Variants in FAM76B observed in about 807,000 individuals in gnomAD.
FAM76B encodes the protein family with sequence similarity 76 member B, also known as protein FAM76B.
In FAM76B, 16 loss-of-function variants were observed where a neutral mutation model predicts 51.8. That is an observed-to-expected ratio of 0.31 (90% confidence interval 0.21 to 0.47). The LOEUF (loss-of-function observed/expected upper bound fraction) is 0.47. Ranked by LOEUF, FAM76B falls within the 20% of genes least tolerant of loss-of-function variation. The pLI is 1.00. For synonymous variants in FAM76B, 166 were observed against 129.5 expected, an observed-to-expected ratio of 1.28 and a Z score of -1.91; for missense variants, 342 against 392.6, an observed-to-expected ratio of 0.87 and a Z score of 1.09.
At chr11:95,786,335 A>G in intron 3 of FAM76B, 61 bp from the exon 4 acceptor site, 1 of 1,558,512 alleles carries the variant, frequency 6.4e-7, no homozygotes, top group East Asian at 2.3e-5. Context: ...CATAGCATAT[A>G]CCCAGTGTTG....
chr11:95,774,875 A>T (rs1022483897), intron 9 of FAM76B, among the ~76,000 whole-genome samples: 1 of 151,406 alleles, frequency 6.6e-6, no homozygotes, highest in East Asian at 1.9e-4. Context: ...AGGGATTAAG[A>T]CCAGATAATC....
chr11:95,775,630 T>C (rs1591011187), intron 9 of FAM76B, among the ~76,000 whole-genome samples: 1 of 150,162 alleles, frequency 6.7e-6, no homozygotes, highest in African/African-American at 2.5e-5. Flanking sequence ...AATTTTTTGC[T>C]ATAAGCCCAA....
intron 2 of FAM76B, among the ~76,000 whole-genome samples, chr11:95,788,003 G>T (rs1217742292): frequency 6.6e-6 from 1 of 152,108 alleles, no homozygotes; most frequent in Non-Finnish European, 1.5e-5. Flanking sequence ...CTTGGCTACT[G>T]TCCAACATTA....
intron 8 of FAM76B, among the ~76,000 whole-genome samples, 180 bp downstream of exon 8, chr11:95,778,642 C>A (rs1406453372): frequency 6.6e-6 from 1 of 151,380 alleles, no homozygotes; most frequent in African/African-American, 2.4e-5. Context: ...AACTAAAAAT[C>A]TGAAAGACCA....
intron 9 of FAM76B, among the ~76,000 whole-genome samples, chr11:95,774,033 G>A (rs1052469613): frequency 2.0e-5 from 3 of 151,300 alleles, no homozygotes; most frequent in Non-Finnish European, 4.4e-5. Flanking sequence ...GGTTGCTAAA[G>A]GAAGTGAGGT....
At chr11:95,773,876 T>C (rs918320535) in intron 9 of FAM76B, among the ~76,000 whole-genome samples, 3 of 151,404 alleles carry the variant, frequency 2.0e-5, no homozygotes, top group African/African-American at 7.2e-5. Context: ...TTCAGTGTTT[T>C]GTCGTAGGTT....
At chr11:95,785,037 T>A (rs948959425) in intron 4 of FAM76B, among the ~76,000 whole-genome samples, 8 of 152,242 alleles carry the variant, frequency 5.3e-5, no homozygotes, top group Admixed American at 2.0e-4. Flanking sequence ...AGTACTCCCC[T>A]ATCTACAGTT....
At chr11:95,784,595 T>C (rs1327413847) in intron 4 of FAM76B, among the ~76,000 whole-genome samples, 2 of 144,810 alleles carry the variant, frequency 1.4e-5, no homozygotes, top group Admixed American at 6.9e-5. Context: ...CACACACAAT[T>C]TTTTTTTTTT....
At chr11:95,785,163 T>C (rs887660906) in intron 4 of FAM76B, among the ~76,000 whole-genome samples, 1 of 152,186 alleles carries the variant, frequency 6.6e-6, no homozygotes, top group Admixed American at 6.5e-5. Flanking sequence ...ATTGTTCTAT[T>C]TTGTTATTAT....
In FAM76B at chr11:95,780,761, T is replaced by G. The variant is rs193099576; in HGVS notation, c.564-835A>C. Among the ~76,000 whole-genome samples, 437 of 152,042 alleles carry G rather than the reference T, an allele frequency of 2.9e-3. 4 individuals are homozygous for G. The highest frequency in any genetic ancestry group is 0.01 in the African/African-American group (419 of 41,516). ...GTGACCTTATGCAAATTACTTAACA[T>G]CCCCAGCCTTAGTTCCCTCATATGT... On this transcript the variant is annotated intron_variant, in intron 5 of 9. Coordinates refer to ENST00000358780, the MANE Select transcript of FAM76B (RefSeq NM_144664.5).
chr11:95,776,078 C>CACACACACACA, intron 8 of FAM76B, 55 bp from the exon 9 acceptor site: 1 of 916,880 alleles, frequency 1.1e-6, no homozygotes. Flanking sequence ...CACACACACA[C>CACACACACACA]CATTTTAAAT....
chr11:95,788,557 G>A lies in FAM76B; in HGVS notation c.94C>T (p.Arg32Trp), dbSNP rs2120319184. The part of the protein sequence containing the change: ...SQGQQLCKEC[R>W]IAHPIVKCTY... ...CATTTTACAATAGGATGTGCAATCCGACATTCCTGTAATAAGACAATACAT... is the reference window on the plus strand; with the variant it reads ...CATTTTACAATAGGATGTGCAATCCAACATTCCTGTAATAAGACAATACAT... Residue 32 changes from arginine (R) to tryptophan (W), a missense_variant, in exon 2 of 10, where the codon CGG (arginine) becomes TGG (tryptophan). This residue lies in a region of FAM76B where 96 missense variants were observed against 94.7 expected (regional missense o/e 1.01). Transcript: ENST00000358780. 3.1e-6 allele frequency: 5 copies of A among 1,611,818 alleles called. No homozygotes were observed. The highest frequency in any genetic ancestry group is 4.2e-6 in the Non-Finnish European group (5 of 1,178,988).
chr11:95,777,781 C>G (rs1181487656), intron 8 of FAM76B, among the ~76,000 whole-genome samples: 1 of 151,368 alleles, frequency 6.6e-6, no homozygotes, highest in Non-Finnish European at 1.5e-5. Context: ...TAAAAGCCAA[C>G]TCAGCACAGA....
At chr11:95,778,079 G>A (rs1860090753) in intron 8 of FAM76B, among the ~76,000 whole-genome samples, 1 of 151,396 alleles carries the variant, frequency 6.6e-6, no homozygotes, top group African/African-American at 2.4e-5. Context: ...GTCCAAAGAA[G>A]CACACATTCT....
Position 95,782,228 on chromosome 11 carries a change from T to C in FAM76B, c.563+837A>G, listed in dbSNP as rs553161757. On this transcript the variant is annotated intron_variant, in intron 5 of 9. Coordinates refer to ENST00000358780, the MANE Select transcript of FAM76B (RefSeq NM_144664.5). ...TAAGGTACTACTACTACTACATAAC[T>C]CCCCCCACAGGTCACTTTAAAAATC... 2.9e-3 allele frequency among the ~76,000 whole-genome samples: 435 copies of C among 152,012 alleles called. 4 individuals are homozygous for C. The highest frequency in any genetic ancestry group is 0.01 in the African/African-American group (417 of 41,440).
chr11:95,773,300 A>G (rs960140196), intron 9 of FAM76B, among the ~76,000 whole-genome samples: 5 of 151,102 alleles, frequency 3.3e-5, no homozygotes, highest in South Asian at 2.1e-4. Flanking sequence ...AATAAATTAC[A>G]TAAGACAAAA....
intron 1 of FAM76B, chr11:95,788,846 T>C (rs1195275709): frequency 2.1e-6 from 3 of 1,411,578 alleles, no homozygotes; most frequent in East Asian, 3.5e-5. Context: ...TGAAACTACT[T>C]ATTATTTTGC....
At chr11:95,774,723 T>A (rs1404977992) in intron 9 of FAM76B, among the ~76,000 whole-genome samples, 2 of 151,376 alleles carry the variant, frequency 1.3e-5, no homozygotes, top group African/African-American at 4.8e-5. Flanking sequence ...GAATCTGATA[T>A]ATGATACGGG....
chr11:95,779,906 T>C lies in FAM76B; in HGVS notation c.584A>G (p.Glu195Gly). The C allele has an allele frequency of 6.2e-7, 1 of 1,605,286 alleles. No individual in the cohort carries two copies. Among genetic ancestry groups the C allele is most frequent in the Non-Finnish European group, 8.5e-7 (1 of 1,176,374 alleles). The change falls in exon 6 of 10, where the codon GAA (glutamate) becomes GGA (glycine). Residue 195 changes from glutamate to glycine, a missense_variant. Physicochemically the swap from Glu to Gly is moderately conservative, Grantham distance 98 (BLOSUM62 -2). Coordinates refer to ENST00000358780, the MANE Select transcript of FAM76B (RefSeq NM_144664.5). ...CTGTTTCCACAGTCCCTGCTCTTCTTCTGGACTTAGATTGCTGATTCTGAA... is the reference window on the plus strand; with the variant it reads ...CTGTTTCCACAGTCCCTGCTCTTCTCCTGGACTTAGATTGCTGATTCTGAA... ...SHHKISNLSP[E>G]EEQGLWKQSH...
Sources: allele counts gnomAD v4.1 joint callset (sites outside exome capture counted in the v4.1 genomes callset), GRCh38; gene constraint gnomAD v4.1.1; regional missense constraint gnomAD v4.1.1; transcripts MANE v1.5; gene names NCBI Gene and HGNC (gene_info 2026-07-23, HGNC 2026-07-21).